Variants in SLC2A7 observed in about 807,000 individuals in gnomAD.
SLC2A7 encodes solute carrier family 2, facilitated glucose transporter member 7.
Under a neutral mutation model 50.5 loss-of-function variants are expected in SLC2A7, and 50 were observed. The observed-to-expected ratio is 0.99, with a 90% CI of 0.79 to 1.25. The LOEUF is 1.25. Among genes scored for constraint, SLC2A7 ranks in the 50% most tolerant of loss-of-function variants. The probability of loss-of-function intolerance (pLI) is 0.00; values close to 1 mark genes in which losing one functional copy is unlikely to be tolerated. For synonymous variants in SLC2A7, 308 were observed against 300.4 expected (o/e 1.03, Z -0.26); for missense variants, 683 against 679.1 (o/e 1.01, Z -0.06).
downstream of SLC2A7, among the ~76,000 whole-genome samples, chr1:9,000,038 A>C (rs1349796143): frequency 6.6e-6 from 1 of 152,240 alleles, no homozygotes; most frequent in East Asian, 1.9e-4. Context: ...CTCAATTTAG[A>C]GACATGCAAA....
At chr1:9,007,050 G>T (rs1445011623) in intron 10 of SLC2A7, among the ~76,000 whole-genome samples, 1 of 152,198 alleles carries the variant, frequency 6.6e-6, no homozygotes, top group Admixed American at 6.5e-5. Flanking sequence ...TCATGTCCTT[G>T]TTGGGTGCCA....
chr1:9,019,389 C>T (rs1557652264), intron 3 of SLC2A7, 56 bp from the exon 4 acceptor site: 1 of 1,600,444 alleles, frequency 6.2e-7, no homozygotes, highest in East Asian at 2.2e-5. Flanking sequence ...GGAAGCCCTC[C>T]CAACACCAGC....
chr1:9,007,441 G>GC, intron 9 of SLC2A7, 56 bp from the exon 10 acceptor site: 1 of 1,567,296 alleles, frequency 6.4e-7, no homozygotes, highest in South Asian at 1.1e-5. Context: ...CGTGCGGGGG[G>GC]GTCCACCTGC....
chr1:9,008,080 C>T lies in SLC2A7; in HGVS notation c.1117-695G>A, dbSNP rs904053030. Among the ~76,000 whole-genome samples the T allele has an allele frequency of 2.6e-5, 4 of 152,084 alleles. No homozygotes were observed. Among genetic ancestry groups the T allele is most frequent in the South Asian group, 2.1e-4 (1 of 4,824 alleles). The stretch of plus-strand genomic sequence containing the variant: ...TGGAGACTCCTAGGACCCCCGGACC[C>T]GTGGAGCTGGCAGACCACCATCTCT... On this transcript the variant is annotated intron_variant, in intron 9 of 11. Transcript: ENST00000400906. The surrounding 1 kb of genome is among the most constrained non-coding windows in gnomAD (Gnocchi z 5.9).
At chr1:9,007,171 T>G in intron 10 of SLC2A7, 139 bp downstream of exon 10, 2 of 964,478 alleles carry the variant, frequency 2.1e-6, no homozygotes, top group Non-Finnish European at 3.2e-6. Flanking sequence ...GGCTGAGAAC[T>G]AAGAACGTGT....
chr1:9,009,479 G>A (rs950952048), intron 9 of SLC2A7, among the ~76,000 whole-genome samples: 22 of 152,028 alleles, frequency 1.4e-4, no homozygotes, highest in African/African-American at 3.9e-4. Context: ...TCTTTTTTGA[G>A]ACAGGGTCTC....
At chr1:9,024,676 C>G (rs1437445582) in intron 2 of SLC2A7, among the ~76,000 whole-genome samples, 1 of 152,196 alleles carries the variant, frequency 6.6e-6, no homozygotes, top group African/African-American at 2.4e-5. Context: ...AAGGGGCCTA[C>G]CCAAGGTGAG....
chr1:9,010,097 C>T (rs1026738587), intron 9 of SLC2A7, 46 bp downstream of exon 9: 1 of 1,509,480 alleles, frequency 6.6e-7, no homozygotes, highest in Non-Finnish European at 9.0e-7. Flanking sequence ...GGACCTCCCA[C>T]CCTCCCCATG....
chr1:9,018,295 C>T lies in SLC2A7; in HGVS notation c.517G>A (p.Glu173Lys), dbSNP rs777785645. ...AAGACTCCAACGATGACGAAAACCT[C>T]GGTCATTGTTCCCACCATGCCTCTC... ...NLRGMVGTMT[E>K]VFVIVGVFLA... is the part of the protein sequence containing the mutation. Residue 173 changes from glutamate (E) to lysine (K), a missense_variant, in exon 5 of 12, where the codon GAG becomes AAG. Glu to Lys is a moderately conservative substitution (Grantham distance 56). Transcript: ENST00000400906. The T allele has an allele frequency of 1.8e-5, 29 of 1,614,050 alleles. No homozygotes were observed. Among genetic ancestry groups the T allele is most frequent in the Admixed American group, 5.0e-5 (3 of 59,984 alleles).
intron 1 of SLC2A7, 107 bp downstream of exon 1, chr1:9,026,188 C>T (rs902872744): frequency 5.6e-6 from 7 of 1,243,246 alleles, no homozygotes; most frequent in South Asian, 1.3e-5. Flanking sequence ...AAAGGAAGCA[C>T]GCTACCCGCT....
chr1:8,999,209 A>G (rs1640544363), downstream of SLC2A7, among the ~76,000 whole-genome samples: 1 of 152,072 alleles, frequency 6.6e-6, no homozygotes, highest in Non-Finnish European at 1.5e-5. Flanking sequence ...ACAGGGTTTC[A>G]CCATGTTAGC....
At chr1:9,014,646 C>T in intron 7 of SLC2A7, 35 bp downstream of exon 7, 1 of 1,549,392 alleles carries the variant, frequency 6.5e-7, no homozygotes, top group Non-Finnish European at 8.7e-7. Context: ...GGGTCTGCTT[C>T]ATCTGTCTCC....
Position 9,022,971 on chromosome 1 carries a change from C to T in SLC2A7, c.258G>A (p.Leu86=). The change falls in exon 3 of 12, where the codon CTG becomes CTA. Residue 86 remains leucine, a synonymous_variant. Transcript: ENST00000400906. ...CGAGCAATGACCCCAACAGGCCGCC[C>T]AGAGGAAACATGGAGACGGTGCAAG... ...LWSCTVSMFP[L]GGLLGSLLVG... The T allele has an allele frequency of 6.2e-7, 1 of 1,614,168 alleles. No homozygotes were observed. The highest frequency in any genetic ancestry group is 8.5e-7 in the Non-Finnish European group (1 of 1,180,028).
rs1180089383 is a variant in SLC2A7, at chr1:9,004,824, T to C, written c.1248A>G (p.Ala416=). The change falls in exon 11 of 12, where the codon GCA becomes GCG. Residue 416 remains alanine (A), a synonymous_variant. Transcript: ENST00000400906. ...TEIFLQSSRR[A]AFMVDGAVHW... The stretch of plus-strand genomic sequence containing the variant: ...GCACTGCCCCGTCCACCATGAAAGC[T>C]GCCCGCCGGGAGGACTGCAGGAAGA... 1 of 1,613,908 alleles carries C rather than the reference T, an allele frequency of 6.2e-7. No individual in the cohort carries two copies. The highest frequency in any genetic ancestry group is 1.3e-5 in the African/African-American group (1 of 74,898).
At chr1:9,012,721 C>G (rs908780062) in intron 8 of SLC2A7, among the ~76,000 whole-genome samples, 4 of 152,190 alleles carry the variant, frequency 2.6e-5, no homozygotes, top group African/African-American at 9.7e-5. Context: ...GACCCTTTTT[C>G]ATGCAACATA....
chr1:9,022,332 A>G (rs967794968), intron 3 of SLC2A7, among the ~76,000 whole-genome samples: 18 of 152,178 alleles, frequency 1.2e-4, no homozygotes, highest in South Asian at 2.1e-4. Context: ...TGGCCTGTGC[A>G]TCTTTCCTTA....
chr1:9,007,326 T>C lies in SLC2A7; in HGVS notation c.1176A>G (p.Gly392=). 1 of 1,614,186 alleles carries C rather than the reference T, an allele frequency of 6.2e-7. No individual in the cohort carries two copies. Among genetic ancestry groups the C allele is most frequent in the Non-Finnish European group, 8.5e-7 (1 of 1,180,006 alleles). Residue 392 remains glycine (G), a synonymous_variant, in exon 10 of 12, where the codon GGA becomes GGG. Transcript: ENST00000400906. ...GIICVFAYIA[G]HSIGPSPVPS... ...GGTACTCACTGGGCCCAATGGAATG[T>C]CCCGCGATGTAGGCAAAGACACAGA...
At position 9,003,216 on chromosome 1, in the gene SLC2A7, A is replaced by G; in HGVS notation, c.*84T>C. 7.8e-7 allele frequency: 1 copy of G among 1,286,696 alleles called. No homozygotes were observed. The highest frequency in any genetic ancestry group is 1.5e-5 in the African/African-American group (1 of 66,632). The allele number at this position is 1,286,696 out of a possible 1,614,324, so 79.7% of individuals were successfully genotyped here. A position where few individuals can be genotyped will look rare whatever the true frequency, so the allele number is the denominator to read the frequency against. On this transcript the variant is annotated 3_prime_UTR_variant, in exon 12 of 12. Coordinates refer to ENST00000400906, the MANE Select transcript of SLC2A7 (RefSeq NM_207420.3). ...CAACGACAAAAGCCTCCGTGCTATTATCCTCCCCAGAGCCTGGGGCCGGGA... is the reference window on the plus strand; with the variant it reads ...CAACGACAAAAGCCTCCGTGCTATTGTCCTCCCCAGAGCCTGGGGCCGGGA...
the SLC2A7 span, among the ~76,000 whole-genome samples, chr1:8,994,784 G>A: frequency 6.6e-6 from 1 of 151,296 alleles, no homozygotes; most frequent in Admixed American, 6.6e-5. Context: ...GTTTTGTTTT[G>A]TTTTGAGATG....
Sources: allele counts gnomAD v4.1 joint callset (sites outside exome capture counted in the v4.1 genomes callset), GRCh38; gene constraint gnomAD v4.1.1; non-coding constraint Gnocchi (gnomAD v3.1); transcripts MANE v1.5; gene names NCBI Gene and HGNC (gene_info 2026-07-23, HGNC 2026-07-21).